The following SLC16A3 variants were observed in gnomAD, a reference collection of about 807,000 sequenced individuals.
The protein encoded by SLC16A3 is solute carrier family 16 member 3.
Under a neutral mutation model 25.0 loss-of-function variants are expected in SLC16A3, and 22 were observed. The ratio of observed to expected loss-of-function variants is 0.88; its 90% CI spans 0.63 to 1.26. The LOEUF (loss-of-function observed/expected upper bound fraction) is 1.26, where lower values mean the gene tolerates loss of function less well. Among genes scored for constraint, SLC16A3 ranks in the 50% most tolerant of loss-of-function variants. The probability of loss-of-function intolerance (pLI) is 0.00; values close to 1 mark genes in which losing one functional copy is unlikely to be tolerated. For missense variants in SLC16A3, 731 were observed against 666.6 expected, an observed-to-expected ratio of 1.10 and a Z score of -1.06; for synonymous variants, 390 against 309.2, an observed-to-expected ratio of 1.26 and a Z score of -2.74.
intron 1 of SLC16A3, among the ~76,000 whole-genome samples, chr17:82,222,558 C>T (rs1174973149): frequency 6.6e-6 from 1 of 152,184 alleles, no homozygotes; most frequent in African/African-American, 2.4e-5. Flanking sequence ...CATCCCAGCA[C>T]TTTGGGAGGT....
chr17:82,232,390 G>A (rs116008176), intron 1 of SLC16A3: 2,188 of 152,618 alleles, frequency 0.014, 52 homozygotes, highest in African/African-American at 0.049. Context: ...GACGCCTGAG[G>A]GGAAGCATGC....
chr17:82,218,011 G>A (rs977734399), exon 1 of SLC16A3, among the ~76,000 whole-genome samples: 1 of 152,250 alleles, frequency 6.6e-6, no homozygotes, highest in Admixed American at 6.5e-5. Flanking sequence ...CTGGCCTGGT[G>A]AAGGCCAAGG....
rs201247782 is a variant in SLC16A3 at position 82,237,613 on chromosome 17, G to A, written c.843G>A (p.Ala281=). ...GFIDIFARPA[A]GFVAGLGKVR... is the part of the protein sequence containing the mutation. Reference sequence around the variant, plus strand: ...TTGACATCTTCGCGCGGCCGGCCGCGGGCTTCGTGGCGGGGCTTGGGAAGG... The same window carrying A: ...TTGACATCTTCGCGCGGCCGGCCGCAGGCTTCGTGGCGGGGCTTGGGAAGG... The change falls in exon 4 of 5, where the codon GCG becomes GCA. Residue 281 remains alanine (A), a synonymous_variant. Coordinates refer to ENST00000582743, the MANE Select transcript of SLC16A3 (RefSeq NM_004207.4). 4.7e-5 allele frequency: 75 copies of A among 1,612,682 alleles called. No individual in the cohort carries two copies. Among genetic ancestry groups the A allele is most frequent in the Middle Eastern group, 3.3e-4 (2 of 6,082 alleles).
chr17:82,239,987 G>A lies in SLC16A3; in HGVS notation c.*1011G>A, dbSNP rs979058659. The A allele has an allele frequency of 2.8e-5, 34 of 1,233,510 alleles. No individual in the cohort carries two copies. Among genetic ancestry groups the A allele is most frequent in the Non-Finnish European group, 3.3e-5 (33 of 987,756 alleles). The allele number at this position is 1,233,510 out of a possible 1,614,324, so 76.4% of individuals were successfully genotyped here. A position where few individuals can be genotyped will look rare whatever the true frequency, so the allele number is the denominator to read the frequency against. ...GGCCGCCGGGGCCCTCAGTAGGTGC[G>A]TCGTGGGCGCTGGGGACGGCAGCGG... On this transcript the variant is annotated 3_prime_UTR_variant, in exon 5 of 5. Transcript: ENST00000582743.
chr17:82,233,553 G>GGTCTGCCTGC (rs1484598225), intron 1 of SLC16A3: 3 of 152,202 alleles, frequency 2.0e-5, no homozygotes, highest in Admixed American at 6.5e-5. Flanking sequence ...TCAAACCCTG[G>GGTCTGCCTGC]GTCTGCCTGC....
At chr17:82,234,051 AGGAT>A (rs1399025306) in intron 1 of SLC16A3, 1 of 58,488 alleles carries the variant, frequency 1.7e-5, no homozygotes, top group Non-Finnish European at 4.3e-5. Context: ...CGTGTTAGCC[AGGAT>A]GGTCTCGATC....
upstream of SLC16A3, chr17:82,229,029 C>G (rs1219605063): frequency 6.9e-6 from 1 of 144,130 alleles, no homozygotes; most frequent in Non-Finnish European, 1.5e-5. Flanking sequence ...TCGCCCCCGG[C>G]GCGGAGCGGA....
At chr17:82,219,354 G>A (rs2050374695) in intron 1 of SLC16A3, among the ~76,000 whole-genome samples, 1 of 152,214 alleles carries the variant, frequency 6.6e-6, no homozygotes, top group African/African-American at 2.4e-5. Flanking sequence ...CCATCTCCAA[G>A]GGGCGGGGGA....
rs549596018 is a variant in SLC16A3, at chr17:82,239,103, C to T, written c.*127C>T. 1.6e-5 allele frequency: 14 copies of T among 895,992 alleles called. No individual in the cohort carries two copies. Among genetic ancestry groups the T allele is most frequent in the African/African-American group, 8.4e-5 (5 of 59,252 alleles). The allele number at this position is 895,992 out of a possible 1,614,324, so 55.5% of individuals were successfully genotyped here. On this transcript the variant is annotated 3_prime_UTR_variant, in exon 5 of 5. Coordinates refer to ENST00000582743, the MANE Select transcript of SLC16A3 (RefSeq NM_004207.4). The stretch of plus-strand genomic sequence containing the variant: ...GGCTCCAGCTGCCGGCCCAGCGGAT[C>T]GTCGCCCGATCAGTGTTTTGAGGGG...
At position 82,236,109 on chromosome 17, in the gene SLC16A3, T is replaced by G. The variant is rs1429709026; in HGVS notation, c.101T>G (p.Phe34Cys). 2 of 1,613,154 alleles carry G rather than the reference T, an allele frequency of 1.2e-6. No individual in the cohort carries two copies. The highest frequency in any genetic ancestry group is 1.7e-5 in the Admixed American group (1 of 60,024). ...VLFGCFVITGFSYAFPKAVSV... is the reference protein window; with the variant it reads ...VLFGCFVITGCSYAFPKAVSV... ...TTCGGCTGTTTCGTCATCACTGGCTTCTCCTACGCCTTCCCCAAGGCCGTC... is the reference window on the plus strand; with the variant it reads ...TTCGGCTGTTTCGTCATCACTGGCTGCTCCTACGCCTTCCCCAAGGCCGTC... Residue 34 changes from phenylalanine (F) to cysteine (C), a missense_variant, in exon 2 of 5, where the codon TTC becomes TGC. Phe to Cys is a radical substitution (Grantham distance 205). Transcript: ENST00000582743.
Position 82,238,919 on chromosome 17 carries a change from G to T in SLC16A3, c.1341G>T (p.Leu447=). The T allele has an allele frequency of 6.3e-7, 1 of 1,592,164 alleles. No individual in the cohort carries two copies. Among genetic ancestry groups the T allele is most frequent in the Non-Finnish European group, 8.6e-7 (1 of 1,165,168 alleles). Residue 447 remains leucine, a synonymous_variant, in exon 5 of 5, where the codon CTG becomes CTT. Transcript: ENST00000582743. ...ACTTGCGGGAGGTGGAGCATTTCCT[G>T]AAGGCTGAGCCTGAGAAAAACGGGG... ...GVDLREVEHF[L]KAEPEKNGEV... is the part of the protein sequence containing the mutation.
chr17:82,230,970 G>A (rs2050485124), intron 1 of SLC16A3: 3 of 152,352 alleles, frequency 2.0e-5, no homozygotes, highest in Admixed American at 2.0e-4. Context: ...GCAGCAAGTG[G>A]AGTCGGCCCC....
chr17:82,218,462 G>A (rs1183137166), intron 1 of SLC16A3, among the ~76,000 whole-genome samples: 2 of 151,000 alleles, frequency 1.3e-5, no homozygotes, highest in Non-Finnish European at 3.0e-5. Flanking sequence ...CGGTCACTGC[G>A]GGGTGGACGG....
At chr17:82,218,628 C>T (rs2050370663) in intron 1 of SLC16A3, among the ~76,000 whole-genome samples, 1 of 152,168 alleles carries the variant, frequency 6.6e-6, no homozygotes, top group Non-Finnish European at 1.5e-5. Context: ...ACCAGGACCA[C>T]CAAAGCAGGT....
At position 82,239,794 on chromosome 17, in the gene SLC16A3, G is replaced by A. The variant is rs983916004; in HGVS notation, c.*818G>A. On this transcript the variant is annotated 3_prime_UTR_variant, in exon 5 of 5. Transcript: ENST00000582743. ...AGGACCCTCCTGCCTTCCCTTTTTC[G>A]CCCCTCTGCCTGGCTGGCAGTGTGC... 15 of 398,270 alleles carry A rather than the reference G, an allele frequency of 3.8e-5. No homozygotes were observed. The highest frequency in any genetic ancestry group is 2.5e-4 in the African/African-American group (12 of 48,502). 24.7% of individuals were successfully genotyped at this position (398,270 alleles called of 1,614,324 possible). A position where few individuals can be genotyped will look rare whatever the true frequency, so the allele number is the denominator to read the frequency against.
chr17:82,224,363 T>G (rs1385937947), upstream of SLC16A3, among the ~76,000 whole-genome samples: 1 of 93,238 alleles, frequency 1.1e-5, no homozygotes, highest in African/African-American at 4.6e-5. Context: ...GACACACCCC[T>G]ACACCCGTGC....
Position 82,238,849 on chromosome 17 carries a change from CGGA to C in SLC16A3, c.1279_1281del (p.Glu427del), listed in dbSNP as rs759053470. 16 of 1,612,438 alleles carry C rather than the reference CGGA, an allele frequency of 9.9e-6. No individual in the cohort carries two copies. The highest frequency in any genetic ancestry group is 3.3e-4 in the Middle Eastern group (2 of 6,052). ...GAGCCACAGCCTGAGGTGGCGGCCG[CGGA>C]GGAGGAGAAGCTCCACAAGCCTCCT... On this transcript the variant is annotated inframe_deletion, in exon 5 of 5. Coordinates refer to ENST00000582743, the MANE Select transcript of SLC16A3 (RefSeq NM_004207.4).
intron 1 of SLC16A3, among the ~76,000 whole-genome samples, chr17:82,218,700 A>G (rs2050371066): frequency 6.6e-6 from 1 of 152,182 alleles, no homozygotes; most frequent in Non-Finnish European, 1.5e-5. Flanking sequence ...GGGCTAGAGC[A>G]TAAACCAGGC....
At chr17:82,226,386 G>A (rs1727451447), upstream of SLC16A3, among the ~76,000 whole-genome samples, 2 of 152,076 alleles carry the variant, frequency 1.3e-5, no homozygotes. Flanking sequence ...AGCCAGGTGT[G>A]GGGTGGGTGC....
Sources: gnomAD v4.1 joint callset for allele counts (sites outside exome capture counted in the v4.1 genomes callset) on GRCh38, gnomAD v4.1.1 for gene constraint, MANE v1.5 for transcripts, NCBI Gene and HGNC (gene_info 2026-07-23, HGNC 2026-07-21) for gene names.